The following UNKL variants were observed in gnomAD, a reference collection of about 807,000 sequenced individuals.
The protein encoded by UNKL is putative E3 ubiquitin-protein ligase UNKL.
A neutral mutation model predicts 78.0 loss-of-function variants in UNKL; 60 were observed. The observed-to-expected ratio is 0.77, with a 90% confidence interval of 0.63 to 0.95. The LOEUF (loss-of-function observed/expected upper bound fraction) is 0.95. UNKL is among the 40% of genes least tolerant of loss of function. UNKL has a pLI of 0.00. For synonymous variants in UNKL, 608 were observed against 474.8 expected (o/e 1.28, Z -3.65); for missense variants, 1,159 against 1,045.7 (o/e 1.11, Z -1.49).
At chr16:1,380,627 A>AG (rs969945216) in intron 10 of UNKL, among the ~76,000 whole-genome samples, 2 of 150,108 alleles carry the variant, frequency 1.3e-5, no homozygotes, top group African/African-American at 4.9e-5. Flanking sequence ...TCGATCCTGA[A>AG]AAAAAAAAAA....
At chr16:1,410,903 C>T (rs548657629) in intron 2 of UNKL, among the ~76,000 whole-genome samples, 2 of 152,266 alleles carry the variant, frequency 1.3e-5, no homozygotes, top group South Asian at 2.1e-4. Context: ...AATGGGCTGA[C>T]TACATTATTT....
intron 2 of UNKL, among the ~76,000 whole-genome samples, chr16:1,406,653 A>G (rs1468767243): frequency 6.6e-6 from 1 of 152,108 alleles, no homozygotes; most frequent in Non-Finnish European, 1.5e-5. Context: ...TCTGAGTTTT[A>G]AAGACTGCTC....
Position 1,367,260 on chromosome 16 carries a change from C to T in UNKL, c.1878G>A (p.Lys626=), listed in dbSNP as rs1306305113. The stretch of plus-strand genomic sequence containing the variant: ...GCTTCACCTGTGCCTCCACCTCCTC[C>T]TTCTTCTGCAGCGCCAGCTGCCGGT... ...DSDRQLALQK[K]EEVEAQVKQL... Residue 626 remains lysine, a synonymous_variant, in exon 14 of 15, where the codon AAG becomes AAA. Transcript: ENST00000389221. 1 of 1,585,268 alleles carries T rather than the reference C, an allele frequency of 6.3e-7. No individual in the cohort carries two copies. The highest frequency in any genetic ancestry group is 8.5e-7 in the Non-Finnish European group (1 of 1,169,808).
chr16:1,414,647 G>C lies in UNKL; in HGVS notation c.45C>G (p.Ser15=). 1 of 1,142,520 alleles carries C rather than the reference G, an allele frequency of 8.8e-7. No individual in the cohort carries two copies. The allele number at this position is 1,142,520 out of a possible 1,614,324, so 70.8% of individuals were successfully genotyped here. A position where few individuals can be genotyped will look rare whatever the true frequency, so the allele number is the denominator to read the frequency against. The change falls in exon 1 of 15, where the codon TCC becomes TCG. Residue 15 remains serine, a synonymous_variant. Coordinates refer to ENST00000389221, the MANE Select transcript of UNKL (RefSeq NM_001372107.1). The part of the protein sequence containing the change: ...SKAAAAALSG[S]PPQTEKPTHY... ...GGGTCGGCTTCTCAGTCTGCGGGGG[G>C]GACCCGCTCAGCGCCGCTGCCGCCG...
intron 9 of UNKL, among the ~76,000 whole-genome samples, chr16:1,385,652 G>A (rs2036784903): frequency 6.6e-6 from 1 of 152,236 alleles, no homozygotes; most frequent in Non-Finnish European, 1.5e-5. Flanking sequence ...AACGTTTCAG[G>A]AGTAGACATT....
At position 1,367,687 on chromosome 16, in the gene UNKL, T is replaced by C. The variant is rs763852683; in HGVS notation, c.1757A>G (p.Gln586Arg). 3.8e-6 allele frequency: 6 copies of C among 1,577,354 alleles called. No homozygotes were observed. In the Admixed American group the frequency reaches 7.3e-5, roughly 19 times the overall value. ...QLDEAKRKIR[Q>R]WEESWQQVKQ... Reference sequence around the variant, plus strand: ...CACCTGCTGCCAGGACTCCTCCCACTGCCGGATCTTCCTCTTGGCCTCGTC... The same window carrying C: ...CACCTGCTGCCAGGACTCCTCCCACCGCCGGATCTTCCTCTTGGCCTCGTC... The change falls in exon 13 of 15, where the codon CAG becomes CGG. Residue 586 changes from glutamine to arginine, a missense_variant. Physicochemically the swap from Gln to Arg is conservative, Grantham distance 43. Transcript: ENST00000389221.
rs2037630636 is a variant in UNKL, at chr16:1,403,703, G to A, written c.288-359C>T. Among the ~76,000 whole-genome samples, 1 of 152,224 alleles carries A rather than the reference G, an allele frequency of 6.6e-6. No homozygotes were observed. Among genetic ancestry groups the A allele is most frequent in the African/African-American group, 2.4e-5 (1 of 41,456 alleles). ...CCTTTAAACCTGTGTGGGAATGAGA[G>A]TTCATGCCCTGCACGCAGGCTGCGT... On this transcript the variant is annotated intron_variant, in intron 2 of 14. Coordinates refer to ENST00000389221, the MANE Select transcript of UNKL (RefSeq NM_001372107.1). The surrounding 1 kb of genome is among the most constrained non-coding windows in gnomAD (Gnocchi z 4.8).
chr16:1,367,326 C>T lies in UNKL; in HGVS notation c.1812G>A (p.Glu604=). The T allele has an allele frequency of 6.5e-7, 1 of 1,547,122 alleles. No homozygotes were observed. Among genetic ancestry groups the T allele is most frequent in the East Asian group, 2.4e-5 (1 of 41,270 alleles). ...VKQVCDAWQR[E]AQEAKERARV... is the part of the protein sequence containing the mutation. Reference sequence around the variant, plus strand: ...GGGCACGCTCCTTGGCCTCCTGCGCCTCTCGCTGCCAGGCATCGCAGACCT... The same window carrying T: ...GGGCACGCTCCTTGGCCTCCTGCGCTTCTCGCTGCCAGGCATCGCAGACCT... Residue 604 remains glutamate, a synonymous_variant, in exon 14 of 15, where the codon GAG becomes GAA. Transcript: ENST00000389221.
At chr16:1,400,804 C>T (rs2037492495) in intron 4 of UNKL, among the ~76,000 whole-genome samples, 1 of 152,074 alleles carries the variant, frequency 6.6e-6, no homozygotes, top group African/African-American at 2.4e-5. Context: ...TCTCCAGCCT[C>T]AGCCTCCCAA....
In UNKL at chr16:1,376,419, G is replaced by A. The variant is rs183695563; in HGVS notation, c.1265-4808C>T. Among the ~76,000 whole-genome samples, 221 of 144,660 alleles carry A rather than the reference G, an allele frequency of 1.5e-3. 2 individuals carry two copies. Among genetic ancestry groups the A allele is most frequent in the Admixed American group, 2.4e-3 (35 of 14,690 alleles). The allele number at this position is 144,660 out of a possible 152,430, so 94.9% of individuals were successfully genotyped here. On this transcript the variant is annotated intron_variant, in intron 10 of 14. Coordinates refer to ENST00000389221, the MANE Select transcript of UNKL (RefSeq NM_001372107.1). Reference sequence around the variant, plus strand: ...CTCCTCCTCCCTCCTCTGAGGGCTTGGGGATGCTCCTCCTCCCTCTTTCCA... The same window carrying A: ...CTCCTCCTCCCTCCTCTGAGGGCTTAGGGATGCTCCTCCTCCCTCTTTCCA...
intron 3 of UNKL, among the ~76,000 whole-genome samples, chr16:1,402,608 A>G (rs1377816770): frequency 2.0e-5 from 3 of 151,948 alleles, no homozygotes; most frequent in African/African-American, 7.3e-5. Context: ...CGTTGCAGTG[A>G]GCCAAGATCA....
At chr16:1,382,319 A>C (rs2036633491) in intron 10 of UNKL, among the ~76,000 whole-genome samples, 1 of 152,244 alleles carries the variant, frequency 6.6e-6, no homozygotes, top group African/African-American at 2.4e-5. Context: ...GGAGGGCGGA[A>C]GTTTGAGTCC....
At chr16:1,376,049 T>C (rs2369696) in intron 10 of UNKL, among the ~76,000 whole-genome samples, 139,868 of 151,326 alleles carry the variant, frequency 0.92, 64,736 homozygotes, top group East Asian at 1. Flanking sequence ...GTGAGATCTG[T>C]GGCGGGCAGG....
intron 2 of UNKL, chr16:1,411,820 CA>C (rs2038052634): frequency 6.6e-6 from 1 of 152,052 alleles, no homozygotes; most frequent in Non-Finnish European, 1.5e-5. Flanking sequence ...GACTTCGTCT[CA>C]AAACAAAAAC....
At chr16:1,410,684 A>G (rs1463137218) in intron 2 of UNKL, among the ~76,000 whole-genome samples, 1 of 152,170 alleles carries the variant, frequency 6.6e-6, no homozygotes, top group Non-Finnish European at 1.5e-5. Flanking sequence ...CCCACACCAG[A>G]GTTAAGCAGC....
chr16:1,389,834 G>C (rs377423188), intron 9 of UNKL, among the ~76,000 whole-genome samples: 1 of 152,170 alleles, frequency 6.6e-6, no homozygotes, highest in African/African-American at 2.4e-5. Flanking sequence ...GGTTTGGTTT[G>C]AGACAGGGCC....
At chr16:1,398,109 G>T (rs1013539144) in intron 5 of UNKL, among the ~76,000 whole-genome samples, 1 of 152,230 alleles carries the variant, frequency 6.6e-6, no homozygotes, top group Non-Finnish European at 1.5e-5. Flanking sequence ...CGGGCGCCCA[G>T]ACAGCACGGG....
chr16:1,377,357 G>T (rs1343875044), intron 10 of UNKL, among the ~76,000 whole-genome samples: 3 of 152,116 alleles, frequency 2.0e-5, no homozygotes, highest in Admixed American at 2.0e-4. Context: ...TTCAACCCAG[G>T]ACATGGGGGC....
rs1017460940 is a variant in UNKL at position 1,397,267 on chromosome 16, C to A, written c.763G>T (p.Gly255Trp). Residue 255 changes from glycine to tryptophan, a missense_variant, in exon 6 of 15, where the codon GGG becomes TGG. Coordinates refer to ENST00000389221, the MANE Select transcript of UNKL (RefSeq NM_001372107.1). ...CGTGAGGGTTCCCCCCACTCATCCC[C>A]GTGCTTCACACTGGGGCAGGGCGTG... ...RSTPCPSVKH[G>W]DEWGEPSRCD... is the part of the protein sequence containing the mutation. 3 of 814,082 alleles carry A rather than the reference C, an allele frequency of 3.7e-6. No individual in the cohort carries two copies. Among genetic ancestry groups the A allele is most frequent in the South Asian group, 2.3e-5 (1 of 43,252 alleles). 50.4% of individuals were successfully genotyped at this position (814,082 alleles called of 1,614,324 possible). A position where few individuals can be genotyped will look rare whatever the true frequency, so the allele number is the denominator to read the frequency against.
Sources: allele counts gnomAD v4.1 joint callset (sites outside exome capture counted in the v4.1 genomes callset), GRCh38; gene constraint gnomAD v4.1.1; non-coding constraint Gnocchi (gnomAD v3.1); transcripts MANE v1.5; gene names NCBI Gene and HGNC (gene_info 2026-07-23, HGNC 2026-07-21).